ARHGEF7: variants seen among roughly 807,000 people sequenced by gnomAD.
ARHGEF7 encodes the protein PAK-interacting exchange factor beta.
Under a neutral mutation model 109.8 loss-of-function variants are expected in ARHGEF7, and 33 were observed. The observed-to-expected ratio is 0.30, with a 90% CI of 0.23 to 0.40. The LOEUF is 0.40. Among genes scored for constraint, ARHGEF7 ranks in the 10% least tolerant of loss-of-function variants. The pLI is 1.00. For synonymous variants in ARHGEF7, 458 were observed against 424.6 expected, an observed-to-expected ratio of 1.08 and a Z score of -0.97; for missense variants, 938 against 1,098.5, an observed-to-expected ratio of 0.85 and a Z score of 2.07.
intron 16 of ARHGEF7, among the ~76,000 whole-genome samples, chr13:111,284,178 TTGG>T (rs914231323): frequency 7.3e-5 from 11 of 151,662 alleles, no homozygotes; most frequent in Non-Finnish European, 1.0e-4. Context: ...GCAGTGCCCG[TTGG>T]TGGGGTGTGA....
intron 15 of ARHGEF7, among the ~76,000 whole-genome samples, chr13:111,282,120 C>T (rs2092806764): frequency 6.6e-6 from 1 of 152,220 alleles, no homozygotes; most frequent in Non-Finnish European, 1.5e-5. Flanking sequence ...ACAATTCCCT[C>T]CCCCATGCAG....
At chr13:111,193,205 C>T (rs907952715) in intron 2 of ARHGEF7, among the ~76,000 whole-genome samples, 14 of 152,166 alleles carry the variant, frequency 9.2e-5, no homozygotes, top group Admixed American at 3.3e-4. Context: ...TTAACCACCC[C>T]GAGGGGAGAC....
chr13:111,240,390 C>T (rs185585736), intron 6 of ARHGEF7, among the ~76,000 whole-genome samples: 94 of 152,288 alleles, frequency 6.2e-4, no homozygotes, highest in Non-Finnish European at 2.5e-4. Context: ...TGAGAACTAA[C>T]GTTCCGAGGT....
chr13:111,186,268 A>G (rs2079249600), intron 2 of ARHGEF7, among the ~76,000 whole-genome samples: 1 of 152,160 alleles, frequency 6.6e-6, no homozygotes, highest in Non-Finnish European at 1.5e-5. Flanking sequence ...CTTCCTGGAA[A>G]CTACCTAAAA....
chr13:111,226,768 T>A (rs925747917), intron 5 of ARHGEF7, among the ~76,000 whole-genome samples: 1 of 152,240 alleles, frequency 6.6e-6, no homozygotes, highest in Non-Finnish European at 1.5e-5. Flanking sequence ...GTCTTAGCAT[T>A]TAAGGAATAC....
intron 20 of ARHGEF7, 36 bp from the exon 21 acceptor site, chr13:111,301,442 C>T (rs2093565077): frequency 1.9e-6 from 3 of 1,593,028 alleles, no homozygotes; most frequent in African/African-American, 1.3e-5. Context: ...CATGCCTCAC[C>T]TTGTTCATGT....
At chr13:111,118,959 C>T (rs1025827222) in intron 1 of ARHGEF7, among the ~76,000 whole-genome samples, 2 of 152,130 alleles carry the variant, frequency 1.3e-5, no homozygotes, top group South Asian at 2.1e-4. Context: ...CAGACGCTGC[C>T]TCGGGTCTTA....
At chr13:111,148,849 T>C (rs564655199) in intron 1 of ARHGEF7, among the ~76,000 whole-genome samples, 1 of 152,356 alleles carries the variant, frequency 6.6e-6, no homozygotes, top group East Asian at 1.9e-4. Context: ...TAATAAATGA[T>C]TTAAAATATT....
At position 111,145,412 on chromosome 13, in the gene ARHGEF7, C is replaced by T. The variant is rs76165018; in HGVS notation, c.166-8493C>T. On this transcript the variant is annotated intron_variant, in intron 1 of 21. Transcript: ENST00000646102. This position sits in a 1 kb window ranked among gnomAD's most constrained non-coding sequence, Gnocchi z 4.3. ...GGGTTAATGACAGAAAAGTCATTAA[C>T]TCTCCCTGACCCCGAAGCGAAAGGT... 2.4e-3 allele frequency among the ~76,000 whole-genome samples: 370 copies of T among 152,276 alleles called. 2 individuals carry two copies. The highest frequency in any genetic ancestry group is 8.4e-3 in the African/African-American group (350 of 41,540).
chr13:111,219,762 T>A (rs961464568), intron 5 of ARHGEF7, among the ~76,000 whole-genome samples: 1 of 152,204 alleles, frequency 6.6e-6, no homozygotes, highest in East Asian at 1.9e-4. Context: ...TAAATCGACT[T>A]GGGCAGAATT....
In ARHGEF7 at chr13:111,221,370, T is replaced by C. The variant is rs1413274551; in HGVS notation, c.670+3490T>C. On this transcript the variant is annotated intron_variant, in intron 5 of 21. Coordinates refer to ENST00000646102, the MANE Select transcript of ARHGEF7 (RefSeq NM_001354046.2). ...ATATATGTCTATATATATATCTATATATATATCTATATATATAGATGTCTA... is the reference window on the plus strand; with the variant it reads ...ATATATGTCTATATATATATCTATACATATATCTATATATATAGATGTCTA... Among the ~76,000 whole-genome samples, 2 of 41,290 alleles carry C rather than the reference T, an allele frequency of 4.8e-5. 1 individual carries two copies. Among genetic ancestry groups the C allele is most frequent in the African/African-American group, 1.6e-4 (2 of 12,588 alleles). The allele number at this position is 41,290 out of a possible 152,430, so 27.1% of individuals were successfully genotyped here.
intron 2 of ARHGEF7, among the ~76,000 whole-genome samples, chr13:111,169,338 T>C (rs1388906464): frequency 2.0e-5 from 3 of 152,164 alleles, no homozygotes; most frequent in Non-Finnish European, 4.4e-5. Context: ...ACAGGAAGCA[T>C]GATGTTGTCA....
At chr13:111,286,601 T>G (rs1405196072) in intron 17 of ARHGEF7, among the ~76,000 whole-genome samples, 1 of 152,176 alleles carries the variant, frequency 6.6e-6, no homozygotes, top group Non-Finnish European at 1.5e-5. Context: ...AAGCACCCTG[T>G]GTCTGTTAGA....
chr13:111,241,744 C>A (rs534009912), intron 6 of ARHGEF7, among the ~76,000 whole-genome samples: 2 of 152,270 alleles, frequency 1.3e-5, no homozygotes, highest in South Asian at 4.1e-4. Flanking sequence ...CACATAGGAA[C>A]ATTTTTCTGT....
chr13:111,130,804 G>C (rs575384556), intron 1 of ARHGEF7, among the ~76,000 whole-genome samples: 19 of 152,238 alleles, frequency 1.2e-4, no homozygotes, highest in African/African-American at 4.6e-4. Context: ...GGGGAAGGCT[G>C]TCCTCAAGAA....
intron 2 of ARHGEF7, among the ~76,000 whole-genome samples, chr13:111,165,881 A>T (rs2077086111): frequency 1.3e-5 from 2 of 152,154 alleles, no homozygotes; most frequent in African/African-American, 4.8e-5. Context: ...TGCTTGGCTG[A>T]TTGAACTAGA....
chr13:111,211,131 A>G (rs747485217), intron 4 of ARHGEF7, among the ~76,000 whole-genome samples: 2 of 152,204 alleles, frequency 1.3e-5, no homozygotes, highest in Non-Finnish European at 2.9e-5. Context: ...GGTGGGCTGC[A>G]TGGCCTGAGT....
chr13:111,200,832 C>T (rs1199015703), intron 2 of ARHGEF7, among the ~76,000 whole-genome samples: 1 of 152,178 alleles, frequency 6.6e-6, no homozygotes, highest in Non-Finnish European at 1.5e-5. Flanking sequence ...ATCTCTTGAT[C>T]CAGAGCAGTC....
chr13:111,174,160 T>C (rs1393542633), intron 2 of ARHGEF7, among the ~76,000 whole-genome samples: 1 of 152,262 alleles, frequency 6.6e-6, no homozygotes, highest in East Asian at 1.9e-4. Flanking sequence ...TGATATTTGC[T>C]GCTATTTAAA....
Sources: allele counts gnomAD v4.1 joint callset (sites outside exome capture counted in the v4.1 genomes callset), GRCh38; gene constraint gnomAD v4.1.1; non-coding constraint Gnocchi (gnomAD v3.1); transcripts MANE v1.5; gene names NCBI Gene and HGNC (gene_info 2026-07-23, HGNC 2026-07-21).